The following PPP4R4 variants were observed in gnomAD, a reference collection of about 807,000 sequenced individuals.
PPP4R4 encodes the protein protein phosphatase 4 regulatory subunit 4, also known as serine/threonine-protein phosphatase 4 regulatory subunit 4.
Under a neutral mutation model 121.8 loss-of-function variants are expected in PPP4R4, and 70 were observed. The observed-to-expected ratio is 0.57, with a 90% CI of 0.47 to 0.70. PPP4R4 has a LOEUF of 0.70. Among genes scored for constraint, PPP4R4 ranks in the 30% least tolerant of loss-of-function variants. The pLI is 0.00. For synonymous variants in PPP4R4, 348 were observed against 355.7 expected, an observed-to-expected ratio of 0.98 and a Z score of 0.24; for missense variants, 875 against 1,033.6, an observed-to-expected ratio of 0.85 and a Z score of 2.10.
intron 2 of PPP4R4, among the ~76,000 whole-genome samples, chr14:94,180,626 T>A (rs1888924696): frequency 6.6e-6 from 1 of 151,316 alleles, no homozygotes; most frequent in Non-Finnish European, 1.5e-5. Flanking sequence ...TTTTTCTTTT[T>A]TAAAGACAGG....
Position 94,203,788 on chromosome 14 carries a change from T to C in PPP4R4, c.192-4676T>C, listed in dbSNP as rs1890316791. 1.3e-5 allele frequency among the ~76,000 whole-genome samples: 2 copies of C among 152,196 alleles called. 1 individual carries two copies. Among genetic ancestry groups the C allele is most frequent in the South Asian group, 4.1e-4 (2 of 4,826 alleles). ...TTTTACTTTGTGTTTGCCTGATGGTTAATGAATTAAACATCTTTTAGTGGG... is the reference window on the plus strand; with the variant it reads ...TTTTACTTTGTGTTTGCCTGATGGTCAATGAATTAAACATCTTTTAGTGGG... On this transcript the variant is annotated intron_variant, in intron 2 of 24. Coordinates refer to ENST00000304338, the MANE Select transcript of PPP4R4 (RefSeq NM_058237.2).
chr14:94,248,046 C>T (rs947521588), intron 14 of PPP4R4, among the ~76,000 whole-genome samples: 2 of 152,114 alleles, frequency 1.3e-5, no homozygotes, highest in South Asian at 2.1e-4. Flanking sequence ...AAACATAGTA[C>T]TAGAAGTCCT....
chr14:94,253,898 G>A (rs941404767), intron 16 of PPP4R4, among the ~76,000 whole-genome samples: 1 of 152,174 alleles, frequency 6.6e-6, no homozygotes. Flanking sequence ...TTAGGGATGT[G>A]CAGATAGAAT....
At chr14:94,176,007 CTG>C in intron 1 of PPP4R4, 45 bp from the exon 2 acceptor site, 1 of 1,486,986 alleles carries the variant, frequency 6.7e-7, no homozygotes, top group Non-Finnish European at 9.4e-7. Context: ...GGGGGCAAGA[CTG>C]AACCAATATT....
At chr14:94,190,136 C>T (rs1185571247) in intron 2 of PPP4R4, among the ~76,000 whole-genome samples, 2 of 151,460 alleles carry the variant, frequency 1.3e-5, no homozygotes, top group Non-Finnish European at 2.9e-5. Flanking sequence ...GACTTAGCCT[C>T]TCTAGTAGCT....
intron 3 of PPP4R4, among the ~76,000 whole-genome samples, chr14:94,217,368 A>C (rs1468502258): frequency 6.6e-6 from 1 of 152,204 alleles, no homozygotes; most frequent in African/African-American, 2.4e-5. Flanking sequence ...CTCAACTGCT[A>C]ACTAGACTGG....
chr14:94,265,042 G>A, intron 20 of PPP4R4, 95 bp downstream of exon 20: 4 of 1,089,132 alleles, frequency 3.7e-6, no homozygotes, highest in Non-Finnish European at 4.0e-6. Flanking sequence ...TATTTGATAT[G>A]GAAAATTGCT....
At chr14:94,221,694 C>T (rs1891401960) in intron 3 of PPP4R4, among the ~76,000 whole-genome samples, 1 of 151,942 alleles carries the variant, frequency 6.6e-6, no homozygotes, top group South Asian at 2.1e-4. Flanking sequence ...AAAAAAACAG[C>T]AATTGACCAT....
chr14:94,208,269 A>G (rs1890567827), intron 2 of PPP4R4, among the ~76,000 whole-genome samples, 195 bp from the exon 3 acceptor site: 1 of 152,014 alleles, frequency 6.6e-6, no homozygotes, highest in African/African-American at 2.4e-5. Flanking sequence ...TGTATTTGTT[A>G]TAAGATTTGC....
At chr14:94,176,473 T>C (rs1888685548) in intron 2 of PPP4R4, among the ~76,000 whole-genome samples, 1 of 152,208 alleles carries the variant, frequency 6.6e-6, no homozygotes, top group Non-Finnish European at 1.5e-5. Flanking sequence ...TAGTTTTAAG[T>C]TCATTGTAGA....
At chr14:94,222,326 T>G (rs1458163062) in intron 3 of PPP4R4, among the ~76,000 whole-genome samples, 2 of 151,950 alleles carry the variant, frequency 1.3e-5, no homozygotes, top group Non-Finnish European at 2.9e-5. Context: ...TTACTTTTCT[T>G]GTGTTAGTGA....
intron 5 of PPP4R4, among the ~76,000 whole-genome samples, chr14:94,232,040 G>A (rs966051357): frequency 4.0e-5 from 6 of 151,846 alleles, no homozygotes; most frequent in African/African-American, 1.5e-4. Flanking sequence ...ATTTATATGT[G>A]CTATTTACCT....
chr14:94,273,789 T>C (rs1270073430), intron 23 of PPP4R4, among the ~76,000 whole-genome samples: 3 of 152,082 alleles, frequency 2.0e-5, no homozygotes, highest in Admixed American at 1.3e-4. Context: ...ACTTAAAAAG[T>C]AGTGCTGGAA....
intron 3 of PPP4R4, among the ~76,000 whole-genome samples, chr14:94,223,274 C>G (rs1218340747): frequency 6.6e-6 from 1 of 152,102 alleles, no homozygotes; most frequent in Non-Finnish European, 1.5e-5. Context: ...TTGTATTTGA[C>G]AAATTATTTG....
chr14:94,198,963 T>G (rs1890024300), intron 2 of PPP4R4, among the ~76,000 whole-genome samples: 1 of 152,248 alleles, frequency 6.6e-6, no homozygotes, highest in Admixed American at 6.5e-5. Context: ...CTGCTAGTAT[T>G]AGCCCTACAA....
intron 2 of PPP4R4, among the ~76,000 whole-genome samples, chr14:94,206,088 A>AT (rs1171713062): frequency 6.6e-6 from 1 of 151,256 alleles, no homozygotes; most frequent in Non-Finnish European, 1.5e-5. Flanking sequence ...GCACCTGTGT[A>AT]TTTTTGTCTG....
intron 16 of PPP4R4, 40 bp from the exon 17 acceptor site, chr14:94,256,420 T>G: frequency 6.7e-7 from 1 of 1,482,716 alleles, no homozygotes; most frequent in Non-Finnish European, 9.2e-7. Context: ...TTATTCTTAG[T>G]TATTAACTTC....
At chr14:94,208,384 A>C in intron 2 of PPP4R4, 80 bp from the exon 3 acceptor site, 1 of 991,818 alleles carries the variant, frequency 1.0e-6, no homozygotes, top group Non-Finnish European at 1.4e-6. Flanking sequence ...TCATTTTTCC[A>C]ATTAGTCCAT....
At chr14:94,242,442 G>T in intron 11 of PPP4R4, 34 bp downstream of exon 11, 1 of 1,574,604 alleles carries the variant, frequency 6.4e-7, no homozygotes, top group East Asian at 2.2e-5. Flanking sequence ...CTTTACGTTT[G>T]TTGTTAATTC....
Sources: gnomAD v4.1 joint callset for allele counts (sites outside exome capture counted in the v4.1 genomes callset) on GRCh38, gnomAD v4.1.1 for gene constraint, MANE v1.5 for transcripts, NCBI Gene and HGNC (gene_info 2026-07-23, HGNC 2026-07-21) for gene names.